The following ZNF521 variants were observed in gnomAD, a reference collection of about 807,000 sequenced individuals.
The protein encoded by ZNF521 is zinc finger protein 521, also known as LYST-interacting protein 3.
In ZNF521, 14 loss-of-function variants were observed where a neutral mutation model predicts 105.5. That is an observed-to-expected ratio of 0.13 (90% CI 0.09 to 0.21). ZNF521 has a LOEUF of 0.21. ZNF521 is among the 10% of genes least tolerant of loss of function. The pLI is 1.00. For missense variants in ZNF521, 1,233 were observed against 1,629.7 expected (o/e 0.76, Z 4.19); for synonymous variants, 635 against 606.0 (o/e 1.05, Z -0.70).
Position 25,224,605 on chromosome 18 carries a change from G to C in ZNF521, c.3313C>G (p.Pro1105Ala), listed in dbSNP as rs1443165375. 2.5e-6 allele frequency: 4 copies of C among 1,613,978 alleles called. No homozygotes were observed. Among genetic ancestry groups the C allele is most frequent in the East Asian group, 2.2e-5 (1 of 44,874 alleles). ...GTGCCGGGAGGGACGTTAATGCCTG[G>C]GCTGGCGCTCTTACTGAGATTCACG... ...GCVNLSKSAS[P>A]GINVPPGTNR... The change falls in exon 4 of 8, where the codon CCA (proline) becomes GCA (alanine). Residue 1105 changes from proline (P) to alanine (A), a missense_variant. This residue lies in a region of ZNF521 where 614 missense variants were observed against 751.5 expected (regional missense o/e 0.82). Coordinates refer to ENST00000361524, the MANE Select transcript of ZNF521 (RefSeq NM_015461.3).
intron 3 of ZNF521, among the ~76,000 whole-genome samples, chr18:25,274,977 C>T (rs997789172): frequency 9.2e-5 from 14 of 152,012 alleles, no homozygotes; most frequent in South Asian, 6.2e-4. Flanking sequence ...ATCCCCAAAG[C>T]GGGTGGAGGG....
chr18:25,219,735 T>C (rs1293713596), intron 4 of ZNF521, among the ~76,000 whole-genome samples: 2 of 152,140 alleles, frequency 1.3e-5, no homozygotes, highest in Non-Finnish European at 2.9e-5. Flanking sequence ...GAAGATCACC[T>C]GAGCCTGGGA....
intron 5 of ZNF521, among the ~76,000 whole-genome samples, chr18:25,120,847 CT>C (rs1390236704): frequency 6.6e-6 from 1 of 152,098 alleles, no homozygotes; most frequent in Non-Finnish European, 1.5e-5. Context: ...TTGAAGCAGT[CT>C]TTTCTCATTA....
intron 3 of ZNF521, among the ~76,000 whole-genome samples, chr18:25,307,440 C>A (rs12606842): frequency 0.021 from 3,252 of 152,274 alleles, 82 homozygotes; most frequent in East Asian, 0.095. Context: ...ACTCAACTCC[C>A]TACCTCCACC....
intron 3 of ZNF521, among the ~76,000 whole-genome samples, chr18:25,269,061 C>T (rs1334887482): frequency 6.9e-6 from 1 of 144,418 alleles, no homozygotes; most frequent in Non-Finnish European, 1.5e-5. Context: ...CATACATAGG[C>T]TCAAAATAAA....
At chr18:25,082,315 A>C (rs2033513510) in intron 7 of ZNF521, among the ~76,000 whole-genome samples, 1 of 152,208 alleles carries the variant, frequency 6.6e-6, no homozygotes, top group African/African-American at 2.4e-5. Flanking sequence ...AGTGGATCTA[A>C]GGATGTAAAG....
chr18:25,146,921 G>C (rs1055802737), intron 5 of ZNF521, among the ~76,000 whole-genome samples: 6 of 151,882 alleles, frequency 4.0e-5, no homozygotes, highest in Non-Finnish European at 7.4e-5. Context: ...CACATCTTAC[G>C]TGTTTGTAAA....
At chr18:25,347,169 T>C (rs1377440297) in intron 2 of ZNF521, among the ~76,000 whole-genome samples, 1 of 152,196 alleles carries the variant, frequency 6.6e-6, no homozygotes, top group Non-Finnish European at 1.5e-5. Flanking sequence ...GAGAACTATT[T>C]TGAGTCAGGT....
At chr18:25,127,504 G>T (rs1041798777) in intron 5 of ZNF521, among the ~76,000 whole-genome samples, 1 of 151,708 alleles carries the variant, frequency 6.6e-6, no homozygotes, top group African/African-American at 2.4e-5. Context: ...AGGAAACTGA[G>T]GAAAAAGGAG....
chr18:25,307,444 C>A (rs1466874206), intron 3 of ZNF521, among the ~76,000 whole-genome samples: 1 of 152,148 alleles, frequency 6.6e-6, no homozygotes, highest in Non-Finnish European at 1.5e-5. Flanking sequence ...AACTCCCTAC[C>A]TCCACCCCTA....
intron 3 of ZNF521, among the ~76,000 whole-genome samples, chr18:25,305,366 A>G (rs978742189): frequency 2.0e-5 from 3 of 152,262 alleles, no homozygotes; most frequent in Non-Finnish European, 4.4e-5. Context: ...GTGTTACTAA[A>G]TAAATAAGCT....
chr18:25,175,313 C>G (rs2035518983), intron 5 of ZNF521, among the ~76,000 whole-genome samples: 1 of 152,108 alleles, frequency 6.6e-6, no homozygotes. Flanking sequence ...AATAAGAAAT[C>G]AGAAAATTTG....
At chr18:25,167,149 T>C (rs554286210) in intron 5 of ZNF521, among the ~76,000 whole-genome samples, 2 of 152,292 alleles carry the variant, frequency 1.3e-5, no homozygotes, top group African/African-American at 2.4e-5. Context: ...AGGGAAGTGG[T>C]CACCAAATGG....
chr18:25,129,242 C>T (rs1050133795), intron 5 of ZNF521, among the ~76,000 whole-genome samples: 2 of 112,018 alleles, frequency 1.8e-5, no homozygotes, highest in Admixed American at 2.4e-4. Flanking sequence ...TAGACTTTCA[C>T]ACGGAATAAT....
intron 5 of ZNF521, among the ~76,000 whole-genome samples, chr18:25,120,312 G>A (rs546279409): frequency 1.3e-5 from 2 of 152,282 alleles, no homozygotes; most frequent in African/African-American, 4.8e-5. Context: ...GCCAGGCATG[G>A]TGGCTCACAC....
chr18:25,222,879 TAGG>T (rs1905826296), intron 4 of ZNF521, among the ~76,000 whole-genome samples: 1 of 152,118 alleles, frequency 6.6e-6, no homozygotes. Context: ...CCCTTATTCT[TAGG>T]AGATGTCATG....
chr18:25,197,590 T>C (rs1192845052), intron 4 of ZNF521, among the ~76,000 whole-genome samples: 1 of 151,864 alleles, frequency 6.6e-6, no homozygotes, highest in Non-Finnish European at 1.5e-5. Context: ...AGTGTCAGCC[T>C]TGGGGAACTC....
intron 5 of ZNF521, among the ~76,000 whole-genome samples, chr18:25,155,419 T>C (rs1567985876): frequency 6.6e-6 from 1 of 152,330 alleles, no homozygotes; most frequent in Non-Finnish European, 1.5e-5. Context: ...TTTTTTAGTT[T>C]GATGTAGCCC....
At chr18:25,213,236 TAATAA>T (rs2144692860) in intron 4 of ZNF521, among the ~76,000 whole-genome samples, 1 of 148,654 alleles carries the variant, frequency 6.7e-6, no homozygotes, top group East Asian at 1.9e-4. Flanking sequence ...TATAACTATA[TAATAA>T]AATAATGGTT....
Sources: gnomAD v4.1 joint callset for allele counts (sites outside exome capture counted in the v4.1 genomes callset) on GRCh38, gnomAD v4.1.1 for gene constraint, gnomAD v4.1.1 regional missense constraint, MANE v1.5 for transcripts, NCBI Gene and HGNC (gene_info 2026-07-23, HGNC 2026-07-21) for gene names.